The following POMK variants were observed in gnomAD, a reference collection of about 807,000 sequenced individuals.
The protein encoded by POMK is Sugen kinase 196.
POMK carries 19 observed loss-of-function variants against 23.0 expected under a neutral mutation model. The ratio of observed to expected loss-of-function variants is 0.83; its 90% confidence interval spans 0.58 to 1.21. The LOEUF is 1.21. POMK is among the 50% of genes most tolerant of loss of function. POMK has a pLI of 0.00. For missense variants in POMK, 410 were observed against 431.3 expected, an observed-to-expected ratio of 0.95 and a Z score of 0.44; for synonymous variants, 173 against 171.6, an observed-to-expected ratio of 1.01 and a Z score of -0.06.
Position 43,122,092 on chromosome 8 carries a change from A to G in POMK, c.283-15A>G, listed in dbSNP as rs1408403905. 1 of 1,612,164 alleles carries G rather than the reference A, an allele frequency of 6.2e-7. No individual in the cohort carries two copies. Among genetic ancestry groups the G allele is most frequent in the Admixed American group, 1.7e-5 (1 of 59,984 alleles). ...TGAGAGTTCAGGCCTGATGCTCTCTATGGCTTTGTTGCAGGTCTTTCTGTC... is the reference window on the plus strand; with the variant it reads ...TGAGAGTTCAGGCCTGATGCTCTCTGTGGCTTTGTTGCAGGTCTTTCTGTC... On this transcript the variant is annotated splice_polypyrimidine_tract_variant and intron_variant, in intron 4 of 4. Transcript: ENST00000331373.
chr8:43,106,016 G>A (rs142143201), intron 4 of POMK, among the ~76,000 whole-genome samples: 5,116 of 152,246 alleles, frequency 0.034, 113 homozygotes, highest in Middle Eastern at 0.058. Flanking sequence ...ACCCAGTAGT[G>A]GAATTGCTGG....
intron 4 of POMK, among the ~76,000 whole-genome samples, chr8:43,118,157 G>GT (rs1446472846): frequency 6.6e-6 from 1 of 152,074 alleles, no homozygotes; most frequent in South Asian, 2.1e-4. Context: ...AAAGGTAGTA[G>GT]TATCTGTAAA....
rs1811949711 is a variant in POMK at position 43,122,764 on chromosome 8, A to G, written c.940A>G (p.Lys314Glu). The change falls in exon 5 of 5, where the codon AAG becomes GAG. Residue 314 changes from lysine to glutamate, a missense_variant. Transcript: ENST00000331373. ...TTTGTTTGATATTCACAAAGCATGC[A>G]AGAGCCAGACTCCCTCAGAAAGACC... Reference protein sequence around the residue: ...FHLFDIHKACKSQTPSERPTA... With the variant: ...FHLFDIHKACESQTPSERPTA... 1.9e-6 allele frequency: 3 copies of G among 1,614,062 alleles called. No individual in the cohort carries two copies. The highest frequency in any genetic ancestry group is 1.1e-5 in the South Asian group (1 of 91,084).
At chr8:43,114,410 G>A (rs937089584) in intron 4 of POMK, among the ~76,000 whole-genome samples, 1 of 152,210 alleles carries the variant, frequency 6.6e-6, no homozygotes, top group Non-Finnish European at 1.5e-5. Flanking sequence ...AGGACCCTCC[G>A]AGCCACGTGC....
chr8:43,105,450 T>C (rs1811526440), intron 4 of POMK, among the ~76,000 whole-genome samples: 2 of 152,274 alleles, frequency 1.3e-5, no homozygotes, highest in African/African-American at 4.8e-5. Context: ...TTTCTGTTCC[T>C]AGTTTATTTC....
intron 2 of POMK, among the ~76,000 whole-genome samples, chr8:43,102,206 G>C (rs1811458723): frequency 6.6e-6 from 1 of 152,238 alleles, no homozygotes; most frequent in East Asian, 1.9e-4. Flanking sequence ...AATTCACTGT[G>C]TGTGAATGTC....
rs1462864807 is a variant in POMK, at chr8:43,108,920, T to C, written c.282+5090T>C. Among the ~76,000 whole-genome samples, 5 of 152,242 alleles carry C rather than the reference T, an allele frequency of 3.3e-5. No homozygotes were observed. The East Asian group carries it at 7.7e-4, about 23-fold the overall frequency. ...CACAACAGTTATTACTGATGACATA[T>C]ACTGAGTCATATCAGAATTGTAGGA... On this transcript the variant is annotated intron_variant, in intron 4 of 4. Coordinates refer to ENST00000331373, the MANE Select transcript of POMK (RefSeq NM_032237.5).
intron 1 of POMK, among the ~76,000 whole-genome samples, chr8:43,095,718 C>G (rs746030206): frequency 1.3e-5 from 2 of 152,192 alleles, no homozygotes; most frequent in African/African-American, 2.4e-5. Context: ...CTTGCCAAAA[C>G]TCTGGCAAGA....
chr8:43,108,323 C>T (rs1422182666), intron 4 of POMK, among the ~76,000 whole-genome samples: 1 of 151,910 alleles, frequency 6.6e-6, no homozygotes, highest in Non-Finnish European at 1.5e-5. Flanking sequence ...CTAGTCAAAC[C>T]CTTGGTAAAA....
At chr8:43,113,117 T>C (rs927449087) in intron 4 of POMK, among the ~76,000 whole-genome samples, 1 of 152,210 alleles carries the variant, frequency 6.6e-6, no homozygotes, top group African/African-American at 2.4e-5. Context: ...AGGAGTATCT[T>C]TGTGGCATTT....
intron 2 of POMK, among the ~76,000 whole-genome samples, chr8:43,099,253 T>C (rs1275815811): frequency 6.6e-6 from 1 of 152,242 alleles, no homozygotes; most frequent in African/African-American, 2.4e-5. Context: ...TGCCTGACCC[T>C]TTGCACATTT....
intron 2 of POMK, among the ~76,000 whole-genome samples, chr8:43,098,742 C>T (rs1436968970): frequency 6.6e-6 from 1 of 152,158 alleles, no homozygotes; most frequent in Non-Finnish European, 1.5e-5. Context: ...TTGAGGATTT[C>T]AGTTTTTCCA....
intron 4 of POMK, 71 bp downstream of exon 4, chr8:43,103,901 C>T: frequency 6.9e-7 from 1 of 1,455,232 alleles, no homozygotes; most frequent in Non-Finnish European, 9.5e-7. Context: ...CCAGCTCCAT[C>T]CATGCTGGCA....
intron 4 of POMK, among the ~76,000 whole-genome samples, chr8:43,119,706 C>T (rs1473593488): frequency 6.6e-6 from 1 of 152,060 alleles, no homozygotes; most frequent in Non-Finnish European, 1.5e-5. Context: ...GCTGGGATTA[C>T]AGGCGTGAGC....
intron 4 of POMK, among the ~76,000 whole-genome samples, chr8:43,105,221 G>C (rs774296657): frequency 2.0e-5 from 3 of 152,116 alleles, no homozygotes; most frequent in Non-Finnish European, 4.4e-5. Context: ...CTATTTGAGA[G>C]TGTATAATAT....
At chr8:43,106,960 T>C (rs1436146870) in intron 4 of POMK, among the ~76,000 whole-genome samples, 2 of 152,102 alleles carry the variant, frequency 1.3e-5, no homozygotes, top group African/African-American at 4.8e-5. Context: ...GACCCTAAGG[T>C]GAGAGGAGTA....
chr8:43,122,794 G>T lies in POMK; in HGVS notation c.970G>T (p.Ala324Ser). 4.3e-6 allele frequency: 7 copies of T among 1,614,142 alleles called. No homozygotes were observed. The South Asian group carries it at 4.4e-5, about 10-fold the overall frequency. Residue 324 changes from alanine to serine, a missense_variant, in exon 5 of 5, where the codon GCC (alanine) becomes TCC (serine). By Grantham distance (99) the Ala-to-Ser change is moderately conservative. Coordinates refer to ENST00000331373, the MANE Select transcript of POMK (RefSeq NM_032237.5). ...KSQTPSERPT[A>S]QDVLETYQKV... is the part of the protein sequence containing the mutation. ...CCAGACTCCCTCAGAAAGACCCACT[G>T]CCCAGGACGTTCTGGAGACCTACCA...
At chr8:43,120,893 T>A (rs1210164401) in intron 4 of POMK, among the ~76,000 whole-genome samples, 1 of 152,030 alleles carries the variant, frequency 6.6e-6, no homozygotes, top group Non-Finnish European at 1.5e-5. Flanking sequence ...GTCAGGCTGG[T>A]CTTGAATTCC....
chr8:43,116,477 C>A (rs1053100225), intron 4 of POMK, among the ~76,000 whole-genome samples: 1 of 152,026 alleles, frequency 6.6e-6, no homozygotes, highest in African/African-American at 2.4e-5. Context: ...TTATGTTGCC[C>A]AGGCCGGTCT....
Sources: allele counts gnomAD v4.1 joint callset (sites outside exome capture counted in the v4.1 genomes callset), GRCh38; gene constraint gnomAD v4.1.1; transcripts MANE v1.5; gene names NCBI Gene and HGNC (gene_info 2026-07-23, HGNC 2026-07-21).